Variants in DIAPH2 observed in about 807,000 individuals in gnomAD.
The protein encoded by DIAPH2 is protein diaphanous homolog 2.
DIAPH2 carries 35 observed loss-of-function variants against 92.7 expected under a neutral mutation model. That is an observed-to-expected ratio of 0.38 (90% confidence interval 0.29 to 0.50). The LOEUF (loss-of-function observed/expected upper bound fraction) is 0.50, where lower values mean the gene tolerates loss of function less well. DIAPH2 is among the 20% of genes least tolerant of loss of function. The pLI is 0.94. For missense variants in DIAPH2, 701 were observed against 819.5 expected (o/e 0.86, Z 1.77); for synonymous variants, 301 against 280.4 (o/e 1.07, Z -0.73).
At chrX:97,300,815 C>T (rs766765226) in intron 23 of DIAPH2, among the ~76,000 whole-genome samples, 94 of 98,726 alleles carry the variant, frequency 9.5e-4, no homozygotes, top group African/African-American at 2.3e-3. Flanking sequence ...GCCTGTAGTC[C>T]CAGCTACTTG....
chrX:97,293,518 T>C (rs1201621491), intron 23 of DIAPH2, among the ~76,000 whole-genome samples: 2 of 111,490 alleles, frequency 1.8e-5, no homozygotes, highest in African/African-American at 6.5e-5. Flanking sequence ...CCCAAAGTGT[T>C]GGGATTACAG....
intron 4 of DIAPH2, among the ~76,000 whole-genome samples, chrX:96,799,520 C>A (rs2064565242): frequency 8.9e-6 from 1 of 111,982 alleles, no homozygotes; most frequent in Non-Finnish European, 1.9e-5. Flanking sequence ...TTAAAAGTAA[C>A]CTTTCTTGGC....
chrX:96,820,517 T>C (rs2064770805), intron 4 of DIAPH2, among the ~76,000 whole-genome samples: 1 of 111,975 alleles, frequency 8.9e-6, no homozygotes, highest in Admixed American at 9.4e-5. Flanking sequence ...TCCTAAAATA[T>C]TTGGAGAGCA....
At chrX:97,593,071 G>T (rs1173561150) in intron 26 of DIAPH2, among the ~76,000 whole-genome samples, 1 of 111,582 alleles carries the variant, frequency 9.0e-6, no homozygotes, top group Non-Finnish European at 1.9e-5. Context: ...AGTACCCATT[G>T]GGTTTGTTTA....
intron 24 of DIAPH2, among the ~76,000 whole-genome samples, chrX:97,381,650 T>G (rs2069551107): frequency 8.9e-6 from 1 of 111,835 alleles, no homozygotes; most frequent in South Asian, 3.7e-4. Context: ...ACATAGAGGC[T>G]AATGCCAAAC....
intron 17 of DIAPH2, among the ~76,000 whole-genome samples, chrX:97,026,616 G>T (rs1159162594): frequency 8.9e-6 from 1 of 111,887 alleles, no homozygotes; most frequent in East Asian, 2.8e-4. Flanking sequence ...TGATCTTTCA[G>T]TTCTGAATTT....
intron 23 of DIAPH2, among the ~76,000 whole-genome samples, chrX:97,281,447 C>T (rs1465283962): frequency 9.0e-6 from 1 of 110,679 alleles, no homozygotes; most frequent in Non-Finnish European, 1.9e-5. Context: ...TATTTTAGAA[C>T]ACATACAAAG....
chrX:97,049,776 C>T (rs1182921934), intron 17 of DIAPH2, among the ~76,000 whole-genome samples: 2 of 111,053 alleles, frequency 1.8e-5, no homozygotes, highest in Non-Finnish European at 3.8e-5. Flanking sequence ...TCTTGTATTA[C>T]TTTATAAGTG....
chrX:96,900,046 T>G (rs1434904353), intron 5 of DIAPH2, among the ~76,000 whole-genome samples: 1 of 111,973 alleles, frequency 8.9e-6, no homozygotes, highest in African/African-American at 3.2e-5. Context: ...TTGCGTATAT[T>G]GAACCAGCCT....
At position 96,992,239 on chromosome X, in the gene DIAPH2, A is replaced by G. The variant is rs145183544; in HGVS notation, c.2050+27032A>G. Among the ~76,000 whole-genome samples, 931 of 111,657 alleles carry G rather than the reference A, an allele frequency of 8.3e-3. 8 individuals are homozygous for G. Among genetic ancestry groups the G allele is most frequent in the African/African-American group, 0.028 (875 of 30,742 alleles). The stretch of plus-strand genomic sequence containing the variant: ...AGAGGAGTTGGATCCATTTAGAACT[A>G]TTAGGAAGATTATTGACAGTAATAT... On this transcript the variant is annotated intron_variant, in intron 17 of 26. Transcript: ENST00000324765.
intron 26 of DIAPH2, among the ~76,000 whole-genome samples, chrX:97,530,265 C>A (rs944376509): frequency 9.0e-6 from 1 of 111,679 alleles, no homozygotes; most frequent in East Asian, 2.8e-4. Context: ...AAAAGCCTAA[C>A]CCGTCAAGCA....
chrX:96,888,033 G>A (rs912552641), intron 5 of DIAPH2, among the ~76,000 whole-genome samples: 2 of 108,739 alleles, frequency 1.8e-5, no homozygotes, highest in Non-Finnish European at 3.8e-5. Context: ...GTAGATTTAC[G>A]TTTTCAGCTC....
chrX:97,156,309 C>T (rs1331772077), intron 22 of DIAPH2, among the ~76,000 whole-genome samples: 1 of 111,995 alleles, frequency 8.9e-6, no homozygotes, highest in Non-Finnish European at 1.9e-5. Flanking sequence ...GAATTCATCA[C>T]TGATATTTAA....
At chrX:96,905,990 G>T (rs1268304942) in intron 5 of DIAPH2, among the ~76,000 whole-genome samples, 1 of 112,102 alleles carries the variant, frequency 8.9e-6, no homozygotes, top group Non-Finnish European at 1.9e-5. Flanking sequence ...TTAGCCGGGT[G>T]TGGCGGCAGG....
At chrX:97,076,642 A>C (rs2066706802) in intron 19 of DIAPH2, among the ~76,000 whole-genome samples, 1 of 112,145 alleles carries the variant, frequency 8.9e-6, no homozygotes, top group African/African-American at 3.2e-5. Flanking sequence ...ATCTCAGAGA[A>C]CCTGCATATA....
At chrX:97,164,396 CT>C (rs768199078) in intron 22 of DIAPH2, among the ~76,000 whole-genome samples, 1 of 111,627 alleles carries the variant, frequency 9.0e-6, no homozygotes, top group Admixed American at 9.5e-5. Flanking sequence ...ATAAAATTAT[CT>C]TTCCCCCAAT....
At chrX:96,800,018 A>G (rs2064570506) in intron 4 of DIAPH2, among the ~76,000 whole-genome samples, 2 of 111,098 alleles carry the variant, frequency 1.8e-5, no homozygotes, top group Admixed American at 1.9e-4. Flanking sequence ...GTCTGTTTCA[A>G]GTAAAAGAAA....
At chrX:97,232,974 T>C (rs2068020345) in intron 22 of DIAPH2, among the ~76,000 whole-genome samples, 2 of 112,285 alleles carry the variant, frequency 1.8e-5, no homozygotes, top group East Asian at 2.8e-4. Context: ...CATCTCCTCC[T>C]GTTTACAAAT....
chrX:96,849,059 CTT>C (rs2064990944), intron 4 of DIAPH2, among the ~76,000 whole-genome samples: 1 of 112,105 alleles, frequency 8.9e-6, no homozygotes, highest in Admixed American at 9.5e-5. Flanking sequence ...CTATTTATAA[CTT>C]TGGGATAATG....
Sources: gnomAD v4.1 joint callset for allele counts (sites outside exome capture counted in the v4.1 genomes callset) on GRCh38, gnomAD v4.1.1 for gene constraint, MANE v1.5 for transcripts, NCBI Gene and HGNC (gene_info 2026-07-23, HGNC 2026-07-21) for gene names.